TEC: variants seen among roughly 807,000 people sequenced by gnomAD.
The protein encoded by TEC is tyrosine-protein kinase Tec.
Under a neutral mutation model 93.0 loss-of-function variants are expected in TEC, and 72 were observed. The ratio of observed to expected loss-of-function variants is 0.77; its 90% confidence interval spans 0.64 to 0.94. TEC has a LOEUF of 0.94. Among genes scored for constraint, TEC ranks in the 40% least tolerant of loss-of-function variants. The pLI is 0.00. For missense variants in TEC, 630 were observed against 757.9 expected, an observed-to-expected ratio of 0.83 and a Z score of 1.98; for synonymous variants, 249 against 247.7, an observed-to-expected ratio of 1.01 and a Z score of -0.05.
rs147366207 is a variant in TEC, at chr4:48,191,356, C to G, written c.139-15170G>C. ...CAGCCTTAACTTTTAATATTATATACTCTCTAATTTTCTTATACAGTTCAA... is the reference window on the plus strand; with the variant it reads ...CAGCCTTAACTTTTAATATTATATAGTCTCTAATTTTCTTATACAGTTCAA... On this transcript the variant is annotated intron_variant, in intron 2 of 17. Transcript: ENST00000381501. Among the ~76,000 whole-genome samples the G allele has an allele frequency of 6.3e-3, 965 of 152,244 alleles. 6 individuals are homozygous for G. Among genetic ancestry groups the G allele is most frequent in the Middle Eastern group, 0.024 (7 of 294 alleles).
At chr4:48,197,176 G>C (rs1002221947) in intron 2 of TEC, among the ~76,000 whole-genome samples, 1 of 152,090 alleles carries the variant, frequency 6.6e-6, no homozygotes, top group African/African-American at 2.4e-5. Context: ...ACACAATTTG[G>C]TAGCCCAAAA....
rs1254880258 is a variant in TEC, at chr4:48,145,493, G to A, written c.1168C>T (p.Arg390Ter). The change falls in exon 13 of 18, where the codon CGA (arginine) becomes TGA (stop). Residue 390 changes from arginine to a stop codon, truncating the protein, a stop_gained. Transcript: ENST00000381501. LOFTEE classifies it high-confidence loss of function. ...TTGATTGCGACTTTGTACTGGGCTC[G>A]CCATTTGCCAAGCCTCACCACTCCA... The part of the protein sequence containing the change: ...LFGVVRLGKW[R>*]AQYKVAIKAI... 11 of 1,614,044 alleles carry A rather than the reference G, an allele frequency of 6.8e-6. No homozygotes were observed. The East Asian group carries it at 8.9e-5, about 13-fold the overall frequency.
intron 1 of TEC, among the ~76,000 whole-genome samples, chr4:48,239,332 A>T (rs1237552589): frequency 6.6e-6 from 1 of 152,218 alleles, no homozygotes; most frequent in African/African-American, 2.4e-5. Context: ...AGTCTGAATC[A>T]TTCCAGGTTT....
chr4:48,212,110 A>AAAAAAAAAAAAAAAAAT, intron 2 of TEC, among the ~76,000 whole-genome samples: 14 of 122,248 alleles, frequency 1.1e-4, no homozygotes, highest in Admixed American at 4.9e-4. Flanking sequence ...AAAAAAAAAA[A>AAAAAAAAAAAAAAAAAT]ATATATATAT....
At position 48,258,337 on chromosome 4, in the gene TEC, T is replaced by C. The variant is rs1471186408; in HGVS notation, c.-46+11415A>G. Among the ~76,000 whole-genome samples, 9 of 152,216 alleles carry C rather than the reference T, an allele frequency of 5.9e-5. No individual in the cohort carries two copies. In the East Asian group the frequency reaches 1.7e-3, roughly 29 times the overall value. ...TTGTATTTTTAGTAGAGACAAGGTT[T>C]CACCATGTTGGCCAGGCTGGTCTCA... On this transcript the variant is annotated intron_variant, in intron 1 of 17. Transcript: ENST00000381501.
chr4:48,176,595 G>T (rs1433633768), intron 2 of TEC, among the ~76,000 whole-genome samples: 1 of 152,080 alleles, frequency 6.6e-6, no homozygotes, highest in African/African-American at 2.4e-5. Flanking sequence ...GGTGCTGTGC[G>T]CCTGTAATCC....
chr4:48,214,236 ATACATTTAACAGGAAAT>A (rs72262356), intron 2 of TEC, among the ~76,000 whole-genome samples: 24,139 of 152,118 alleles, frequency 0.16, 2,902 homozygotes, highest in African/African-American at 0.32. Context: ...CATAACACAT[ATACATTTAACAGGAAAT>A]TACATTTAAA....
At chr4:48,206,696 C>T (rs1358816063) in intron 2 of TEC, among the ~76,000 whole-genome samples, 4 of 148,114 alleles carry the variant, frequency 2.7e-5, no homozygotes, top group African/African-American at 1.0e-4. Context: ...AATCTCAGCA[C>T]TTTGGAAGGC....
At chr4:48,204,509 T>C (rs1357188248) in intron 2 of TEC, among the ~76,000 whole-genome samples, 1 of 152,200 alleles carries the variant, frequency 6.6e-6, no homozygotes, top group Non-Finnish European at 1.5e-5. Context: ...TTTGCATCTA[T>C]CTCTTCACTG....
chr4:48,187,834 A>G (rs1442824434), intron 2 of TEC, among the ~76,000 whole-genome samples: 1 of 152,244 alleles, frequency 6.6e-6, no homozygotes. Context: ...CCTAAGTTTC[A>G]TGTAATAGAC....
intron 1 of TEC, among the ~76,000 whole-genome samples, chr4:48,267,580 G>T (rs556756286): frequency 3.3e-5 from 5 of 152,312 alleles, no homozygotes; most frequent in African/African-American, 1.2e-4. Flanking sequence ...CCCAATTTAT[G>T]ATCGTAATTA....
At chr4:48,267,409 G>A (rs1300510198) in intron 1 of TEC, among the ~76,000 whole-genome samples, 1 of 152,208 alleles carries the variant, frequency 6.6e-6, no homozygotes, top group Admixed American at 6.5e-5. Flanking sequence ...CCCAAGCACA[G>A]GCGTGTTTGG....
rs1724747720 is a variant in TEC at position 48,269,814 on chromosome 4, A to G, written c.-108T>C. The G allele has an allele frequency of 6.6e-6, 1 of 152,064 alleles. No homozygotes were observed. The allele number at this position is 152,064 out of a possible 1,614,324, so 9.4% of individuals were successfully genotyped here. ...CTGCGAGGTGCAGTCTGCGCCGCGG[A>G]GTCCGGAGCCTAGCGCCCCAGAGTC... On this transcript the variant is annotated 5_prime_UTR_variant, in exon 1 of 18. Transcript: ENST00000381501.
chr4:48,217,642 G>A lies in TEC; in HGVS notation c.138+10835C>T, dbSNP rs186158050. On this transcript the variant is annotated intron_variant, in intron 2 of 17. Transcript: ENST00000381501. ...TGTAACAAAGGACAGCATTTCTTCC[G>A]TATTATCTCTTCCTCTCACCATAGA... 5.5e-4 allele frequency among the ~76,000 whole-genome samples: 84 copies of A among 152,236 alleles called. No homozygotes were observed. In the East Asian group the frequency reaches 0.01, roughly 18 times the overall value.
Position 48,168,643 on chromosome 4 carries a change from C to A in TEC, c.455-17G>T. 1.3e-6 allele frequency: 2 copies of A among 1,598,146 alleles called. No individual in the cohort carries two copies. Among genetic ancestry groups the A allele is most frequent in the Admixed American group, 1.8e-5 (1 of 54,544 alleles). On this transcript the variant is annotated splice_polypyrimidine_tract_variant and intron_variant, in intron 5 of 17. Coordinates refer to ENST00000381501, the MANE Select transcript of TEC (RefSeq NM_003215.3). The stretch of plus-strand genomic sequence containing the variant: ...TTCTTATACCTGAAAATGCCAACAA[C>A]AAAAACAGATTAAAATGCTATCTAC...
At chr4:48,219,241 C>T (rs556073098) in intron 2 of TEC, among the ~76,000 whole-genome samples, 25 of 152,248 alleles carry the variant, frequency 1.6e-4, no homozygotes, top group African/African-American at 5.5e-4. Flanking sequence ...CTGTCATGCC[C>T]GCATAAGGAC....
At chr4:48,256,962 T>G (rs1181046673) in intron 1 of TEC, among the ~76,000 whole-genome samples, 7 of 152,192 alleles carry the variant, frequency 4.6e-5, no homozygotes, top group Admixed American at 1.3e-4. Flanking sequence ...ATGAAGCCAG[T>G]GCGAATGGCG....
intron 1 of TEC, among the ~76,000 whole-genome samples, chr4:48,252,130 C>T (rs768267488): frequency 2.0e-5 from 3 of 152,114 alleles, no homozygotes; most frequent in African/African-American, 7.2e-5. Context: ...GTATAAACAC[C>T]GACAATTACC....
chr4:48,194,287 T>C (rs929551045), intron 2 of TEC, among the ~76,000 whole-genome samples: 5 of 152,232 alleles, frequency 3.3e-5, no homozygotes, highest in African/African-American at 1.2e-4. Context: ...CTGATGTTAG[T>C]GGAGGGCACA....
Sources: allele counts gnomAD v4.1 joint callset (sites outside exome capture counted in the v4.1 genomes callset), GRCh38; gene constraint gnomAD v4.1.1; transcripts MANE v1.5; gene names NCBI Gene and HGNC (gene_info 2026-07-23, HGNC 2026-07-21).